The following NTRK2 variants were observed in gnomAD, a reference collection of about 807,000 sequenced individuals.
NTRK2 encodes the protein BDNF/NT-3 growth factors receptor.
A neutral mutation model predicts 94.5 loss-of-function variants in NTRK2; 13 were observed. The ratio of observed to expected loss-of-function variants is 0.14; its 90% CI spans 0.09 to 0.22. NTRK2 has a LOEUF of 0.22. Among genes scored for constraint, NTRK2 ranks in the 10% least tolerant of loss-of-function variants. The pLI is 1.00. For synonymous variants in NTRK2, 372 were observed against 407.4 expected (o/e 0.91, Z 1.05); for missense variants, 639 against 1,071.2 (o/e 0.60, Z 5.63).
intron 12 of NTRK2, among the ~76,000 whole-genome samples, chr9:84,847,621 G>C (rs542259151): frequency 1.3e-5 from 2 of 152,220 alleles, no homozygotes; most frequent in African/African-American, 2.4e-5. Flanking sequence ...GTCAACCTTC[G>C]AACACACATC....
At chr9:84,755,360 C>T (rs899331714) in intron 12 of NTRK2, among the ~76,000 whole-genome samples, 19 of 152,070 alleles carry the variant, frequency 1.2e-4, no homozygotes, top group African/African-American at 4.6e-4. Context: ...AGAGTTGGCG[C>T]TCAATACATA....
chr9:84,727,978 T>C lies in NTRK2; in HGVS notation c.1159+19T>C. The C allele has an allele frequency of 1.9e-6, 3 of 1,609,010 alleles. No homozygotes were observed. On this transcript the variant is annotated intron_variant, in intron 9 of 18. Coordinates refer to ENST00000277120, the MANE Select transcript of NTRK2 (RefSeq NM_006180.6). ...GACGATGGTGAGTAACTGACACTTT[T>C]GTATGTGGGGAGAAGATAAAGTCTA...
chr9:84,826,536 C>G (rs2073201368), intron 12 of NTRK2, among the ~76,000 whole-genome samples: 1 of 152,140 alleles, frequency 6.6e-6, no homozygotes, highest in Non-Finnish European at 1.5e-5. Context: ...AACCCACTAC[C>G]TGGAGAACAG....
At chr9:84,716,620 A>G (rs1232329560) in intron 6 of NTRK2, among the ~76,000 whole-genome samples, 1 of 152,200 alleles carries the variant, frequency 6.6e-6, no homozygotes, top group African/African-American at 2.4e-5. Flanking sequence ...TTCTTTCCTG[A>G]AAACCACACA....
In NTRK2 at chr9:84,912,683, A is replaced by G. The variant is rs1014894761; in HGVS notation, c.1634-21479A>G. 3.0e-5 allele frequency among the ~76,000 whole-genome samples: 4 copies of G among 132,384 alleles called. No individual in the cohort carries two copies. The Admixed American group carries it at 3.6e-4, about 12-fold the overall frequency. 86.8% of individuals were successfully genotyped at this position (132,384 alleles called of 152,430 possible). On this transcript the variant is annotated intron_variant, in intron 14 of 18. Transcript: ENST00000277120. ...ACCCAGGCTGGAGTGCAGTGGCGCG[A>G]TCTTGGCTCACTGCAAGCTCTGCCT...
chr9:84,990,758 A>G (rs1241950764), intron 17 of NTRK2, among the ~76,000 whole-genome samples: 1 of 152,184 alleles, frequency 6.6e-6, no homozygotes, highest in African/African-American at 2.4e-5. Flanking sequence ...CCATGGGCAC[A>G]TGACGCAAGA....
rs573044210 is a variant in NTRK2 at position 85,025,867 on chromosome 9, G to A, written c.*4430G>A. On this transcript the variant is annotated 3_prime_UTR_variant, in exon 19 of 19. Coordinates refer to ENST00000277120, the MANE Select transcript of NTRK2 (RefSeq NM_006180.6). ...ATTGGAATGTGGAGCCTCTGAGGTT[G>A]TGATAGCTTGTACATGAATTTCAAA... is the stretch of plus-strand genomic sequence containing the variant. 123 of 231,894 alleles carry A rather than the reference G, an allele frequency of 5.3e-4. No homozygotes were observed. The highest frequency in any genetic ancestry group is 2.4e-3 in the African/African-American group (109 of 45,356). The allele number at this position is 231,894 out of a possible 1,614,324, so 14.4% of individuals were successfully genotyped here.
rs1201623988 is a variant in NTRK2 at position 85,024,154 on chromosome 9, G to A, written c.*2717G>A. On this transcript the variant is annotated 3_prime_UTR_variant, in exon 19 of 19. Transcript: ENST00000277120. ...ACTATCTCTGTTGTCTTAAGAGTATGTGCTGATTTCAGAGACATCTCAAAT... is the reference window on the plus strand; with the variant it reads ...ACTATCTCTGTTGTCTTAAGAGTATATGCTGATTTCAGAGACATCTCAAAT... The A allele has an allele frequency of 3.9e-5, 9 of 231,670 alleles. No homozygotes were observed. Among genetic ancestry groups the A allele is most frequent in the Non-Finnish European group, 6.0e-5 (7 of 117,188 alleles). The allele number at this position is 231,670 out of a possible 1,614,324, so 14.4% of individuals were successfully genotyped here.
At chr9:84,760,208 A>G (rs1191277668) in intron 12 of NTRK2, among the ~76,000 whole-genome samples, 1 of 152,240 alleles carries the variant, frequency 6.6e-6, no homozygotes, top group Non-Finnish European at 1.5e-5. Flanking sequence ...GTTAAACTCT[A>G]AATCTTAATT....
chr9:84,894,071 A>G (rs2132326782), intron 14 of NTRK2, among the ~76,000 whole-genome samples: 1 of 146,638 alleles, frequency 6.8e-6, no homozygotes, highest in Non-Finnish European at 1.5e-5. Context: ...TCTCAGTGTT[A>G]TTTGGCTAAA....
rs36100177 is a variant in NTRK2, at chr9:84,722,160, C to CTTTTT, written c.584-1393_584-1389dup. Reference sequence around the variant, plus strand: ...CCTGTATAACTCTGGCTATTAGGGGCTTTTTTTTTTTTTTTTTTTTTTTTG... The same window carrying CTTTTT: ...CCTGTATAACTCTGGCTATTAGGGGCTTTTTTTTTTTTTTTTTTTTTTTTTTTTTG... On this transcript the variant is annotated intron_variant, in intron 6 of 18. Transcript: ENST00000277120. Among the ~76,000 whole-genome samples the CTTTTT allele has an allele frequency of 7.9e-4, 53 of 67,070 alleles. 2 individuals are homozygous for CTTTTT. Among genetic ancestry groups the CTTTTT allele is most frequent in the African/African-American group, 3.0e-3 (49 of 16,500 alleles). The allele number at this position is 67,070 out of a possible 152,430, so 44.0% of individuals were successfully genotyped here.
intron 12 of NTRK2, among the ~76,000 whole-genome samples, chr9:84,841,731 C>T (rs2074197422): frequency 1.3e-5 from 2 of 152,312 alleles, no homozygotes; most frequent in South Asian, 2.1e-4. Flanking sequence ...TTGCCACTCT[C>T]AGATGTGCTG....
intron 17 of NTRK2, among the ~76,000 whole-genome samples, chr9:84,998,024 T>C (rs1384035431): frequency 1.3e-5 from 2 of 152,224 alleles, no homozygotes; most frequent in Non-Finnish European, 2.9e-5. Flanking sequence ...TCTCACCTCT[T>C]GGCCTGGTGC....
intron 9 of NTRK2, among the ~76,000 whole-genome samples, chr9:84,734,197 G>T (rs779710546): frequency 1.3e-5 from 2 of 152,216 alleles, no homozygotes; most frequent in African/African-American, 2.4e-5. Context: ...AGCTTAGAAG[G>T]TTGCCGCCTT....
chr9:84,826,807 A>T (rs968942339), intron 12 of NTRK2, among the ~76,000 whole-genome samples: 9 of 152,238 alleles, frequency 5.9e-5, no homozygotes, highest in African/African-American at 2.2e-4. Flanking sequence ...TCATTCATTC[A>T]TTTAATAAAA....
chr9:84,872,327 A>T, intron 14 of NTRK2: 1 of 1,104,400 alleles, frequency 9.1e-7, no homozygotes. Flanking sequence ...CATACTAACC[A>T]GCAAAATCCC....
intron 2 of NTRK2, among the ~76,000 whole-genome samples, chr9:84,676,015 A>C (rs2059030353): frequency 6.6e-6 from 1 of 151,612 alleles, no homozygotes; most frequent in Non-Finnish European, 1.5e-5. Flanking sequence ...ATGTGTAGAT[A>C]CTAAGTTTAT....
chr9:84,723,845 C>T (rs2062244558), intron 7 of NTRK2, 136 bp downstream of exon 7: 2 of 1,228,156 alleles, frequency 1.6e-6, no homozygotes, highest in African/African-American at 3.0e-5. Context: ...TTTTGATGTA[C>T]ATTCACTTTC....
chr9:84,843,785 G>A (rs1032027822), intron 12 of NTRK2, among the ~76,000 whole-genome samples: 2 of 152,196 alleles, frequency 1.3e-5, no homozygotes, highest in Admixed American at 6.5e-5. Flanking sequence ...TCTAGCTGAG[G>A]ACATAGATGA....
Sources: allele counts gnomAD v4.1 joint callset (sites outside exome capture counted in the v4.1 genomes callset), GRCh38; gene constraint gnomAD v4.1.1; transcripts MANE v1.5; gene names NCBI Gene and HGNC (gene_info 2026-07-23, HGNC 2026-07-21).